RGS6: variants seen among roughly 807,000 people sequenced by gnomAD.
The protein encoded by RGS6 is regulator of G protein signaling 6, also known as regulator of G-protein signaling 6.
Under a neutral mutation model 78.5 loss-of-function variants are expected in RGS6, and 30 were observed. The observed-to-expected ratio is 0.38, with a 90% CI of 0.29 to 0.52. The LOEUF is 0.52. Among genes scored for constraint, RGS6 ranks in the 20% least tolerant of loss-of-function variants. The pLI is 0.85. For synonymous variants in RGS6, 206 were observed against 206.0 expected (o/e 1.00, Z 0.00); for missense variants, 495 against 609.7 (o/e 0.81, Z 1.98).
intron 2 of RGS6, among the ~76,000 whole-genome samples, chr14:72,210,693 A>G (rs1474492367): frequency 6.6e-6 from 1 of 152,146 alleles, no homozygotes; most frequent in Non-Finnish European, 1.5e-5. Context: ...GAATTGATCT[A>G]CCTGGTCTTC....
intron 3 of RGS6, among the ~76,000 whole-genome samples, chr14:72,367,385 A>G (rs976061265): frequency 1.2e-4 from 18 of 152,186 alleles, no homozygotes; most frequent in African/African-American, 4.3e-4. Context: ...CTCTGTTTTA[A>G]CAATCTGCAA....
chr14:72,604,214 C>T, the RGS6 span, among the ~76,000 whole-genome samples: 561 of 152,260 alleles, frequency 3.7e-3, 2 homozygotes, highest in Middle Eastern at 6.8e-3. Context: ...ATCTGAGGTA[C>T]AGCCTGGGTT....
chr14:72,384,341 A>C (rs2087177144), intron 3 of RGS6, among the ~76,000 whole-genome samples: 1 of 152,226 alleles, frequency 6.6e-6, no homozygotes, highest in African/African-American at 2.4e-5. Context: ...TTGTTTGGTA[A>C]ATATACATTT....
chr14:72,435,079 C>T (rs547412117), intron 3 of RGS6, among the ~76,000 whole-genome samples: 2 of 152,192 alleles, frequency 1.3e-5, no homozygotes, highest in Non-Finnish European at 2.9e-5. Flanking sequence ...CTCCAGGCCA[C>T]CGCATTTGTG....
intron 2 of RGS6, among the ~76,000 whole-genome samples, chr14:72,238,150 A>G (rs2051662567): frequency 6.6e-6 from 1 of 152,168 alleles, no homozygotes; most frequent in South Asian, 2.1e-4. Flanking sequence ...TCTTCTCCAA[A>G]GTTGTTCTCT....
the RGS6 span, among the ~76,000 whole-genome samples, chr14:71,892,864 T>C: frequency 8.9e-4 from 135 of 152,384 alleles, no homozygotes; most frequent in African/African-American, 2.8e-3. Flanking sequence ...TTTATGTTAA[T>C]GTTTTACATG....
intron 2 of RGS6, among the ~76,000 whole-genome samples, chr14:72,068,340 G>A (rs536168810): frequency 1.3e-4 from 19 of 151,746 alleles, no homozygotes; most frequent in African/African-American, 4.4e-4. Context: ...TTGCCATGTT[G>A]GCCAGGCTGG....
intron 2 of RGS6, among the ~76,000 whole-genome samples, chr14:72,312,964 C>A (rs1404419107): frequency 6.6e-6 from 1 of 152,192 alleles, no homozygotes; most frequent in Non-Finnish European, 1.5e-5. Flanking sequence ...CAGACATTTG[C>A]AGAATTCAGC....
chr14:72,020,282 G>A (rs957012601), intron 2 of RGS6, among the ~76,000 whole-genome samples: 1 of 152,252 alleles, frequency 6.6e-6, no homozygotes, highest in East Asian at 1.9e-4. Flanking sequence ...TTGGGCCAAA[G>A]TGGCCATTGC....
intron 3 of RGS6, among the ~76,000 whole-genome samples, chr14:72,377,246 T>C (rs1218921220): frequency 6.6e-6 from 1 of 151,394 alleles, no homozygotes; most frequent in Non-Finnish European, 1.5e-5. Flanking sequence ...GCAAGCAGAG[T>C]AGCTGTACTT....
At chr14:72,502,214 A>G (rs1184918680) in intron 13 of RGS6, among the ~76,000 whole-genome samples, 4 of 152,218 alleles carry the variant, frequency 2.6e-5, no homozygotes, top group African/African-American at 9.6e-5. Flanking sequence ...TGGAGAGGCC[A>G]TGTGCAGACA....
At chr14:71,942,245 T>C (rs764767009) in intron 1 of RGS6, among the ~76,000 whole-genome samples, 2 of 152,170 alleles carry the variant, frequency 1.3e-5, no homozygotes, top group Non-Finnish European at 2.9e-5. Flanking sequence ...AAATAATAAC[T>C]AGGAATACCT....
chr14:71,999,505 G>A (rs1177496025), intron 2 of RGS6, among the ~76,000 whole-genome samples: 4 of 152,200 alleles, frequency 2.6e-5, no homozygotes, highest in African/African-American at 9.7e-5. Context: ...GAAGGGAGGA[G>A]TCAAAAGAGC....
chr14:72,014,704 C>T (rs1329764861), intron 2 of RGS6, among the ~76,000 whole-genome samples: 6 of 152,202 alleles, frequency 3.9e-5, no homozygotes, highest in African/African-American at 1.4e-4. Flanking sequence ...GGCACGTTCC[C>T]AGCATGGATG....
chr14:72,562,361 C>A, intron 17 of RGS6, 56 bp from the exon 18 acceptor site: 1 of 1,557,262 alleles, frequency 6.4e-7, no homozygotes, highest in Non-Finnish European at 8.8e-7. Context: ...GGCTCTCTGT[C>A]TCTGTCCCTC....
intron 2 of RGS6, among the ~76,000 whole-genome samples, chr14:72,285,623 A>G (rs750977970): frequency 3.3e-5 from 5 of 152,154 alleles, no homozygotes; most frequent in African/African-American, 9.7e-5. Context: ...AACATTTTAC[A>G]TTTTACATTT....
intron 2 of RGS6, among the ~76,000 whole-genome samples, chr14:72,021,493 C>A (rs1276481246): frequency 1.8e-5 from 2 of 108,592 alleles, no homozygotes; most frequent in Non-Finnish European, 3.5e-5. Flanking sequence ...TTTGAGATGG[C>A]GTTTCGCTCT....
At chr14:72,315,253 A>C (rs1186331009) in intron 2 of RGS6, among the ~76,000 whole-genome samples, 2 of 152,256 alleles carry the variant, frequency 1.3e-5, no homozygotes, top group African/African-American at 4.8e-5. Context: ...AATTCAGTCC[A>C]AGGTAGAGAA....
chr14:72,558,902 C>T (rs2097628303), intron 17 of RGS6, among the ~76,000 whole-genome samples: 2 of 152,214 alleles, frequency 1.3e-5, no homozygotes. Flanking sequence ...CTGCTAATAG[C>T]ATTTTCAACC....
Sources: gnomAD v4.1 joint callset for allele counts (sites outside exome capture counted in the v4.1 genomes callset) on GRCh38, gnomAD v4.1.1 for gene constraint, MANE v1.5 for transcripts, NCBI Gene and HGNC (gene_info 2026-07-23, HGNC 2026-07-21) for gene names.